TTF1: variants seen among roughly 807,000 people sequenced by gnomAD.
TTF1 encodes transcription termination factor 1.
In TTF1, 64 loss-of-function variants were observed where a neutral mutation model predicts 80.2. The ratio of observed to expected loss-of-function variants is 0.80; its 90% CI spans 0.65 to 0.98. The LOEUF is 0.98. Ranked by LOEUF, TTF1 falls within the 50% of genes least tolerant of loss-of-function variation. The probability of loss-of-function intolerance (pLI) is 0.00; values close to 1 mark genes in which losing one functional copy is unlikely to be tolerated. For synonymous variants in TTF1, 372 were observed against 382.7 expected (o/e 0.97, Z 0.33); for missense variants, 1,023 against 1,086.2 (o/e 0.94, Z 0.82).
intron 10 of TTF1, among the ~76,000 whole-genome samples, chr9:132,378,210 T>C (rs1158020779): frequency 4.6e-5 from 5 of 107,860 alleles, no homozygotes; most frequent in Admixed American, 2.2e-4. Flanking sequence ...TGCGTGTGAA[T>C]GCATGTGGTG....
chr9:132,388,240 G>A lies in TTF1; in HGVS notation c.2223-12C>T. On this transcript the variant is annotated splice_polypyrimidine_tract_variant and intron_variant, in intron 7 of 10. Transcript: ENST00000334270. Reference sequence around the variant, plus strand: ...TTAGAATTTCTGTCCTACATTAAAAGGAAGAAAAACATAGTTTACTTTCAA... The same window carrying A: ...TTAGAATTTCTGTCCTACATTAAAAAGAAGAAAAACATAGTTTACTTTCAA... 2 of 1,574,454 alleles carry A rather than the reference G, an allele frequency of 1.3e-6. No homozygotes were observed. Among genetic ancestry groups the A allele is most frequent in the Non-Finnish European group, 1.7e-6 (2 of 1,149,926 alleles).
intron 4 of TTF1, 152 bp from the exon 5 acceptor site, chr9:132,396,663 T>G (rs1849655741): frequency 1.6e-6 from 1 of 616,428 alleles, no homozygotes; most frequent in Admixed American, 3.5e-5. Flanking sequence ...GCTGTCTTGT[T>G]TTTTTTGTTT....
intron 5 of TTF1, 63 bp downstream of exon 5, chr9:132,396,370 G>C: frequency 6.7e-7 from 1 of 1,493,292 alleles, no homozygotes; most frequent in Admixed American, 1.7e-5. Flanking sequence ...TGAATATTTT[G>C]ATTTATGGTA....
At chr9:132,393,250 A>G (rs1849589646) in intron 5 of TTF1, among the ~76,000 whole-genome samples, 1 of 148,874 alleles carries the variant, frequency 6.7e-6, no homozygotes, top group Non-Finnish European at 1.5e-5. Flanking sequence ...TCCTACATAA[A>G]AATACATGTT....
At chr9:132,394,761 C>T (rs1849616557) in intron 5 of TTF1, among the ~76,000 whole-genome samples, 1 of 151,768 alleles carries the variant, frequency 6.6e-6, no homozygotes, top group South Asian at 2.1e-4. Context: ...GGTGTGGTGG[C>T]ACACGCCTGC....
At position 132,396,424 on chromosome 9, in the gene TTF1, T is replaced by G; in HGVS notation, c.1856+9A>C. On this transcript the variant is annotated intron_variant, in intron 5 of 10. Coordinates refer to ENST00000334270, the MANE Select transcript of TTF1 (RefSeq NM_007344.4). ...ATGTTGTCTCAAGCTGCTAAGACTT[T>G]TTTCTTACCTGCCTTTGTAATTGTT... 6.2e-7 allele frequency: 1 copy of G among 1,614,096 alleles called. No homozygotes were observed. The highest frequency in any genetic ancestry group is 8.5e-7 in the Non-Finnish European group (1 of 1,179,924).
intron 5 of TTF1, among the ~76,000 whole-genome samples, chr9:132,395,200 A>C (rs1423647246): frequency 6.6e-6 from 1 of 152,168 alleles, no homozygotes; most frequent in Non-Finnish European, 1.5e-5. Context: ...TCAAAAAAAG[A>C]AAAAAACAAC....
rs566213943 is a variant in TTF1 at position 132,394,230 on chromosome 9, C to T, written c.1857-2024G>A. The stretch of plus-strand genomic sequence containing the variant: ...ACAAACAATAACATCGGAGCATTTT[C>T]AGACATTTGTCTGTAAATGCAGCGT... On this transcript the variant is annotated intron_variant, in intron 5 of 10. Coordinates refer to ENST00000334270, the MANE Select transcript of TTF1 (RefSeq NM_007344.4). Among the ~76,000 whole-genome samples, 9 of 151,676 alleles carry T rather than the reference C, an allele frequency of 5.9e-5. 1 individual carries two copies. The highest frequency in any genetic ancestry group is 2.2e-4 in the African/African-American group (9 of 41,352).
In TTF1 at chr9:132,378,923, A is replaced by AAT. The variant is rs1184987161; in HGVS notation, c.2464+134_2464+135dup. ...GGAAGTCCTGTCAGATAGGGATTATAATCTGCCTGTTTCCACCATTTTGCA... is the reference window on the plus strand; with the variant it reads ...GGAAGTCCTGTCAGATAGGGATTATAATATCTGCCTGTTTCCACCATTTTGCA... On this transcript the variant is annotated intron_variant, in intron 10 of 10. Transcript: ENST00000334270. 7 of 600,184 alleles carry AAT rather than the reference A, an allele frequency of 1.2e-5. No individual in the cohort carries two copies. In the African/African-American group the frequency reaches 1.3e-4, roughly 11 times the overall value. The allele number at this position is 600,184 out of a possible 1,614,324, so 37.2% of individuals were successfully genotyped here.
rs1849542290 is a variant in TTF1, at chr9:132,390,614, C to T, written c.2205G>A (p.Met735Ile). 1 of 1,614,056 alleles carries T rather than the reference C, an allele frequency of 6.2e-7. No homozygotes were observed. The highest frequency in any genetic ancestry group is 8.5e-7 in the Non-Finnish European group (1 of 1,180,020). The change falls in exon 7 of 11, where the codon ATG becomes ATA. Residue 735 changes from methionine (M) to isoleucine (I), a missense_variant. Coordinates refer to ENST00000334270, the MANE Select transcript of TTF1 (RefSeq NM_007344.4). Reference protein sequence around the residue: ...VEAKVQTRNWMQCKSKWTEIL... With the variant: ...VEAKVQTRNWIQCKSKWTEIL... ...GAACTTACCACTTACTTTTACACTG[C>T]ATCCAATTTCTGGTTTGCACTTTAG...
intron 1 of TTF1, among the ~76,000 whole-genome samples, chr9:132,403,603 G>A (rs1849808899): frequency 6.6e-6 from 1 of 151,662 alleles, no homozygotes; most frequent in African/African-American, 2.4e-5. Context: ...TGATTCCCAA[G>A]TAATATACTT....
Position 132,401,886 on chromosome 9 carries a change from A to G in TTF1, c.936T>C (p.Pro312=). The part of the protein sequence containing the change: ...EVGADMQESR[P]AVGLHGETAG... Reference sequence around the variant, plus strand: ...CAGTTTCACCATGCAGGCCCACAGCAGGCCGGGATTCCTGCATATCAGCCC... The same window carrying G: ...CAGTTTCACCATGCAGGCCCACAGCGGGCCGGGATTCCTGCATATCAGCCC... Residue 312 remains proline (P), a synonymous_variant, in exon 2 of 11, where the codon CCT becomes CCC. Coordinates refer to ENST00000334270, the MANE Select transcript of TTF1 (RefSeq NM_007344.4). The G allele has an allele frequency of 6.2e-7, 1 of 1,611,074 alleles. No homozygotes were observed. The highest frequency in any genetic ancestry group is 8.5e-7 in the Non-Finnish European group (1 of 1,178,806).
intron 5 of TTF1, 36 bp from the exon 6 acceptor site, chr9:132,392,242 G>T (rs776980324): frequency 6.2e-7 from 1 of 1,611,774 alleles, no homozygotes; most frequent in Admixed American, 1.7e-5. Flanking sequence ...AAGTTTAAAC[G>T]AACTATCAGA....
At chr9:132,378,091 GGTGTGAGTGCATGTGGTGT>G (rs1262862225) in intron 10 of TTF1, among the ~76,000 whole-genome samples, 7,141 of 106,252 alleles carry the variant, frequency 0.067, 520 homozygotes, top group East Asian at 0.11. Context: ...GAGTGCATGT[GGTGTGAGTGCATGTGGTGT>G]GTGTGAGTGC....
intron 10 of TTF1, among the ~76,000 whole-genome samples, chr9:132,378,429 GGT>G (rs1253953315): frequency 0.014 from 960 of 67,644 alleles, 43 homozygotes; most frequent in East Asian, 0.025. Flanking sequence ...GAGTGCATGT[GGT>G]GTGTGAATGC....
chr9:132,402,923 T>C, intron 1 of TTF1, 95 bp from the exon 2 acceptor site: 1 of 1,241,576 alleles, frequency 8.1e-7, no homozygotes, highest in South Asian at 1.6e-5. Context: ...TGGCGCGATC[T>C]CGGCTCACTG....
chr9:132,399,846 G>A (rs1361021806), intron 3 of TTF1, among the ~76,000 whole-genome samples, 189 bp downstream of exon 3: 1 of 152,152 alleles, frequency 6.6e-6, no homozygotes, highest in Non-Finnish European at 1.5e-5. Flanking sequence ...AACTGGGCAA[G>A]AAGAGGAAAA....
intron 3 of TTF1, among the ~76,000 whole-genome samples, chr9:132,399,672 G>A (rs1255884312): frequency 1.3e-5 from 2 of 152,092 alleles, no homozygotes; most frequent in African/African-American, 2.4e-5. Context: ...AGAAAGAAAC[G>A]ATACCTCATT....
At chr9:132,377,725 T>G (rs1849243053) in intron 10 of TTF1, among the ~76,000 whole-genome samples, 1 of 114,636 alleles carries the variant, frequency 8.7e-6, no homozygotes, top group African/African-American at 3.5e-5. Context: ...TGCATGTGTG[T>G]GTGAGTGCAT....
Sources: gnomAD v4.1 joint callset for allele counts (sites outside exome capture counted in the v4.1 genomes callset) on GRCh38, gnomAD v4.1.1 for gene constraint, MANE v1.5 for transcripts, NCBI Gene and HGNC (gene_info 2026-07-23, HGNC 2026-07-21) for gene names.